The following BRCA1 variants were observed in gnomAD, a reference collection of about 807,000 sequenced individuals.
BRCA1 encodes the protein BRCA1 DNA repair associated.
A neutral mutation model predicts 173.7 loss-of-function variants in BRCA1; 140 were observed. That is an observed-to-expected ratio of 0.81 (90% CI 0.70 to 0.93). The LOEUF (loss-of-function observed/expected upper bound fraction) is 0.93, where lower values mean the gene tolerates loss of function less well. BRCA1 is among the 40% of genes least tolerant of loss of function. The pLI is 0.00. For synonymous variants in BRCA1, 662 were observed against 756.0 expected, an observed-to-expected ratio of 0.88 and a Z score of 2.04; for missense variants, 1,983 against 2,172.5, an observed-to-expected ratio of 0.91 and a Z score of 1.73.
rs1485510803 is a variant in BRCA1, at chr17:43,094,230, C to T, written c.1301G>A (p.Ser434Asn). 1 of 1,614,014 alleles carries T rather than the reference C, an allele frequency of 6.2e-7. No individual in the cohort carries two copies. Among genetic ancestry groups the T allele is most frequent in the Non-Finnish European group, 8.5e-7 (1 of 1,180,038 alleles). Residue 434 changes from serine (S) to asparagine (N), a missense_variant, in exon 10 of 23, where the codon AGT becomes AAT. Coordinates refer to ENST00000357654, the MANE Select transcript of BRCA1 (RefSeq NM_007294.4). ...GSSEKIDLLASDPHEALICKS... is the reference protein window; with the variant it reads ...GSSEKIDLLANDPHEALICKS... ...ACATATTAAAGCCTCATGAGGATCA[C>T]TGGCCAGTAAGTCTATTTTCTCTGA... is the stretch of plus-strand genomic sequence containing the variant.
chr17:43,092,512 A>G lies in BRCA1; in HGVS notation c.3019T>C (p.Ser1007Pro). 6.2e-7 allele frequency: 1 copy of G among 1,614,050 alleles called. No individual in the cohort carries two copies. Among genetic ancestry groups the G allele is most frequent in the Non-Finnish European group, 8.5e-7 (1 of 1,179,978 alleles). Reference protein sequence around the residue: ...NLLEENFEEHSMSPEREMGNE... With the variant: ...NLLEENFEEHPMSPEREMGNE... ...CCCATTTCTCTTTCAGGTGACATTG[A>G]ATGTTCCTCAAAGTTTTCCTCTAGC... Residue 1007 changes from serine to proline, a missense_variant, in exon 10 of 23, where the codon TCA (serine) becomes CCA (proline). By Grantham distance (74) the Ser-to-Pro change is moderately conservative (BLOSUM62 -1). Transcript: ENST00000357654.
chr17:43,062,621 C>G (rs569237216), intron 18 of BRCA1, among the ~76,000 whole-genome samples: 1 of 151,312 alleles, frequency 6.6e-6, no homozygotes, highest in Non-Finnish European at 1.5e-5. Flanking sequence ...TTTTTTAAGA[C>G]GGAGTCTCGC....
intron 3 of BRCA1, among the ~76,000 whole-genome samples, chr17:43,110,876 G>A (rs140606703): frequency 2.0e-3 from 297 of 151,998 alleles, no homozygotes; most frequent in South Asian, 5.6e-3. Flanking sequence ...TGAGGTGGGC[G>A]GATCACCTGA....
At chr17:43,105,654 T>C (rs1247135178) in intron 4 of BRCA1, among the ~76,000 whole-genome samples, 1 of 152,172 alleles carries the variant, frequency 6.6e-6, no homozygotes, top group Non-Finnish European at 1.5e-5. Flanking sequence ...GATAACAATG[T>C]CCAAAGGGAG....
intron 3 of BRCA1, among the ~76,000 whole-genome samples, chr17:43,107,557 T>A (rs1270936239): frequency 6.6e-6 from 1 of 151,774 alleles, no homozygotes; most frequent in Non-Finnish European, 1.5e-5. Context: ...ATTTTTTGTA[T>A]TTTTAGTTTC....
intron 3 of BRCA1, 27 bp downstream of exon 3, chr17:43,115,699 G>A (rs1195425187): frequency 6.2e-7 from 1 of 1,606,892 alleles, no homozygotes; most frequent in East Asian, 2.2e-5. Flanking sequence ...AGCTAATAAT[G>A]GAGCCACATA....
intron 15 of BRCA1, among the ~76,000 whole-genome samples, chr17:43,069,976 C>T (rs996387935): frequency 1.3e-5 from 2 of 152,140 alleles, no homozygotes; most frequent in Admixed American, 1.3e-4. Flanking sequence ...TCTTGTTGCC[C>T]AGGCTGGAGT....
intron 1 of BRCA1, among the ~76,000 whole-genome samples, chr17:43,169,022 TCCTCTACTTC>T (rs2056292185): frequency 6.6e-6 from 1 of 152,082 alleles, no homozygotes; most frequent in Non-Finnish European, 1.5e-5. Context: ...CTACTGACGC[TCCTCTACTTC>T]CCTCTTGCGC....
upstream of BRCA1, among the ~76,000 whole-genome samples, chr17:43,126,304 G>T (rs905951860): frequency 2.0e-5 from 3 of 152,212 alleles, no homozygotes; most frequent in African/African-American, 7.2e-5. Context: ...GGGACAAGTG[G>T]TAAGAGCCAA....
intron 18 of BRCA1, among the ~76,000 whole-genome samples, chr17:43,060,601 C>T (rs995529973): frequency 6.6e-6 from 1 of 151,910 alleles, no homozygotes; most frequent in Non-Finnish European, 1.5e-5. Context: ...AGTGATTCTC[C>T]TGCCTCAGCC....
chr17:43,139,391 T>A (rs1050273840), intron 1 of BRCA1, among the ~76,000 whole-genome samples: 4 of 150,904 alleles, frequency 2.7e-5, no homozygotes, highest in Non-Finnish European at 5.9e-5. Context: ...TGAGATAGAG[T>A]CTCGCTCTGT....
chr17:43,084,618 A>G (rs2053157312), intron 11 of BRCA1, among the ~76,000 whole-genome samples: 1 of 152,182 alleles, frequency 6.6e-6, no homozygotes, highest in Non-Finnish European at 1.5e-5. Context: ...AAAACAAGCC[A>G]TCTTCTTTCT....
intron 11 of BRCA1, among the ~76,000 whole-genome samples, chr17:43,086,953 C>T (rs1160452794): frequency 6.6e-6 from 1 of 152,174 alleles, no homozygotes; most frequent in Non-Finnish European, 1.5e-5. Context: ...GAGGGATTTG[C>T]TCTGTACAGA....
intron 14 of BRCA1, among the ~76,000 whole-genome samples, chr17:43,072,007 C>CA (rs1567776202): frequency 6.7e-6 from 1 of 149,694 alleles, no homozygotes; most frequent in Non-Finnish European, 1.5e-5. Flanking sequence ...GACTCCGTCT[C>CA]AAAAAAATAA....
rs377611452 is a variant in BRCA1 at position 43,112,732 on chromosome 17, C to G, written c.134+2994G>C. The stretch of plus-strand genomic sequence containing the variant: ...CTGACTATCACAATCCTGACTATCA[C>G]AAGCTTGAAACCAAGCTTCTCACTC... On this transcript the variant is annotated intron_variant, in intron 3 of 22. Coordinates refer to ENST00000357654, the MANE Select transcript of BRCA1 (RefSeq NM_007294.4). 68,145 of 151,712 alleles carry G rather than the reference C, an allele frequency of 0.45. 17,015 individuals carry two copies. The highest frequency in any genetic ancestry group is 0.68 in the African/African-American group (28,109 of 41,356). The allele number at this position is 151,712 out of a possible 1,614,324, so 9.4% of individuals were successfully genotyped here.
chr17:43,058,608 T>G (rs2051615617), intron 18 of BRCA1, among the ~76,000 whole-genome samples: 1 of 152,144 alleles, frequency 6.6e-6, no homozygotes, highest in Non-Finnish European at 1.5e-5. Context: ...TCAACATCTA[T>G]CTCCTCTCAA....
At chr17:43,106,192 G>A (rs996500856) in intron 4 of BRCA1, among the ~76,000 whole-genome samples, 3 of 151,978 alleles carry the variant, frequency 2.0e-5, no homozygotes, top group South Asian at 4.2e-4. Context: ...TGGGGGCACG[G>A]CGATACAGCC....
chr17:43,082,958 T>G (rs2053086519), intron 11 of BRCA1, among the ~76,000 whole-genome samples: 1 of 152,200 alleles, frequency 6.6e-6, no homozygotes, highest in South Asian at 2.1e-4. Context: ...TTTCAAAGAC[T>G]TGGTGTTGTG....
At position 43,109,049 on chromosome 17, in the gene BRCA1, T is replaced by TCTAC. The variant is rs933122380; in HGVS notation, c.135-2520_135-2517dup. On this transcript the variant is annotated intron_variant, in intron 3 of 22. Coordinates refer to ENST00000357654, the MANE Select transcript of BRCA1 (RefSeq NM_007294.4). ...CCAACTATATCTATATCTCTATCTA[T>TCTAC]CTACCTACCTATCTATCTGTCTACA... 5.3e-5 allele frequency among the ~76,000 whole-genome samples: 8 copies of TCTAC among 152,200 alleles called. No individual in the cohort carries two copies. In the East Asian group the frequency reaches 1.5e-3, roughly 29 times the overall value.
Sources: gnomAD v4.1 joint callset for allele counts (sites outside exome capture counted in the v4.1 genomes callset) on GRCh38, gnomAD v4.1.1 for gene constraint, MANE v1.5 for transcripts, NCBI Gene and HGNC (gene_info 2026-07-23, HGNC 2026-07-21) for gene names.